STT3B: variants seen among roughly 807,000 people sequenced by gnomAD.
The protein encoded by STT3B is STT3 oligosaccharyltransferase complex catalytic subunit B.
A neutral mutation model predicts 96.8 loss-of-function variants in STT3B; 29 were observed. The ratio of observed to expected loss-of-function variants is 0.30; its 90% confidence interval spans 0.22 to 0.41. The LOEUF (loss-of-function observed/expected upper bound fraction) is 0.41. Among genes scored for constraint, STT3B ranks in the 10% least tolerant of loss-of-function variants. The pLI, the probability that STT3B is intolerant of heterozygous loss-of-function variation, is 1.00. For missense variants in STT3B, 640 were observed against 1,022.3 expected, an observed-to-expected ratio of 0.63 and a Z score of 5.10; for synonymous variants, 367 against 360.0, an observed-to-expected ratio of 1.02 and a Z score of -0.22.
chr3:31,584,665 G>A (rs1427378950), intron 3 of STT3B, among the ~76,000 whole-genome samples: 3 of 152,046 alleles, frequency 2.0e-5, no homozygotes, highest in Non-Finnish European at 2.9e-5. Flanking sequence ...AAACTGGGAG[G>A]TTATCTAGTG....
At chr3:31,607,900 G>A (rs1207922793) in intron 5 of STT3B, among the ~76,000 whole-genome samples, 1 of 151,882 alleles carries the variant, frequency 6.6e-6, no homozygotes, top group Admixed American at 6.6e-5. Flanking sequence ...GTGCCCAGCA[G>A]CATTTTATTT....
intron 8 of STT3B, 100 bp from the exon 9 acceptor site, chr3:31,619,576 G>T (rs921660480): frequency 3.2e-6 from 3 of 936,408 alleles, no homozygotes; most frequent in African/African-American, 3.3e-5. Context: ...AAGGGGTAGG[G>T]AGTAGGTACC....
At chr3:31,537,353 C>T (rs1697127015) in intron 1 of STT3B, among the ~76,000 whole-genome samples, 1 of 152,274 alleles carries the variant, frequency 6.6e-6, no homozygotes, top group Middle Eastern at 3.4e-3. Flanking sequence ...GGTAGCCAAA[C>T]CAGTTTTAGA....
At position 31,533,079 on chromosome 3, in the gene STT3B, A is replaced by C. The variant is rs752599525; in HGVS notation, c.81A>C (p.Gly27=). The change falls in exon 1 of 16, where the codon GGA becomes GGC. Residue 27 remains glycine (G), a synonymous_variant. Transcript: ENST00000295770. The part of the protein sequence containing the change: ...SSPWSGLMAL[G]NSRHGHHGPG... ...CGTGGAGTGGCCTCATGGCCCTGGG[A>C]AACAGCCGGCACGGCCACCACGGGC... 1 of 1,546,912 alleles carries C rather than the reference A, an allele frequency of 6.5e-7. No individual in the cohort carries two copies. The highest frequency in any genetic ancestry group is 2.0e-5 in the Admixed American group (1 of 50,970).
chr3:31,594,359 G>A (rs901726636), intron 3 of STT3B, among the ~76,000 whole-genome samples: 4 of 151,850 alleles, frequency 2.6e-5, no homozygotes, highest in African/African-American at 9.7e-5. Context: ...TATGCCCCCA[G>A]ACACCAGTTG....
At chr3:31,618,967 A>C (rs907574716) in intron 8 of STT3B, among the ~76,000 whole-genome samples, 4 of 151,986 alleles carry the variant, frequency 2.6e-5, no homozygotes, top group African/African-American at 7.2e-5. Flanking sequence ...TTATATTATA[A>C]AGTAGTCAAT....
Position 31,623,776 on chromosome 3 carries a change from A to G in STT3B, c.1642A>G (p.Met548Val), listed in dbSNP as rs1018068238. 2 of 1,613,988 alleles carry G rather than the reference A, an allele frequency of 1.2e-6. No individual in the cohort carries two copies. The highest frequency in any genetic ancestry group is 1.3e-5 in the African/African-American group (1 of 74,934). Residue 548 changes from methionine (M) to valine (V), a missense_variant, in exon 11 of 16, where the codon ATG (methionine) becomes GTG (valine). Transcript: ENST00000295770. ...CACCATGTTGATGCTGATGCTATTG[A>G]TGATGTTTGCTGTCCACTGTACCTG... ...IVTMLMLMLLMMFAVHCTWVT... is the reference protein window; with the variant it reads ...IVTMLMLMLLVMFAVHCTWVT...
intron 3 of STT3B, among the ~76,000 whole-genome samples, chr3:31,589,809 C>T (rs1698626612): frequency 6.6e-6 from 1 of 151,846 alleles, no homozygotes; most frequent in Non-Finnish European, 1.5e-5. Context: ...CTACTTTTTT[C>T]CCAAACTGTA....
chr3:31,589,094 A>G (rs184386680), intron 3 of STT3B, among the ~76,000 whole-genome samples: 51 of 152,130 alleles, frequency 3.4e-4, no homozygotes, highest in African/African-American at 1.1e-3. Flanking sequence ...GTTTATTTAC[A>G]TCTTTGATTT....
At chr3:31,583,275 A>G (rs1338391529) in intron 3 of STT3B, among the ~76,000 whole-genome samples, 2 of 151,954 alleles carry the variant, frequency 1.3e-5, no homozygotes, top group Non-Finnish European at 2.9e-5. Flanking sequence ...TTATTGCTGT[A>G]TATATTGGGT....
intron 5 of STT3B, among the ~76,000 whole-genome samples, chr3:31,605,992 G>A (rs1288843178): frequency 1.3e-5 from 2 of 152,196 alleles, no homozygotes; most frequent in East Asian, 1.9e-4. Flanking sequence ...GAGTAAAGGT[G>A]ACTCTTGGTA....
At chr3:31,620,312 G>T (rs1012559554) in intron 9 of STT3B, 2 of 153,170 alleles carry the variant, frequency 1.3e-5, no homozygotes, top group African/African-American at 2.4e-5. Flanking sequence ...CATTGAATTT[G>T]TATTAAGTAT....
intron 1 of STT3B, among the ~76,000 whole-genome samples, chr3:31,572,094 G>GTATTAAT (rs1559370418): frequency 0.013 from 1,694 of 130,320 alleles, 56 homozygotes; most frequent in African/African-American, 0.048. Flanking sequence ...TAAGTATTAA[G>GTATTAAT]ATATTAAATA....
At chr3:31,570,310 C>CA (rs1472560649) in intron 1 of STT3B, among the ~76,000 whole-genome samples, 1 of 152,060 alleles carries the variant, frequency 6.6e-6, no homozygotes, top group Non-Finnish European at 1.5e-5. Flanking sequence ...CTCCAAGATA[C>CA]AAAAATTACT....
chr3:31,572,674 C>A (rs1258731060), intron 1 of STT3B, among the ~76,000 whole-genome samples: 1 of 152,120 alleles, frequency 6.6e-6, no homozygotes, highest in East Asian at 1.9e-4. Context: ...CCAGTCTGGG[C>A]AACAAAGCAA....
At chr3:31,545,370 T>G (rs1427189506) in intron 1 of STT3B, among the ~76,000 whole-genome samples, 1 of 152,218 alleles carries the variant, frequency 6.6e-6, no homozygotes, top group Admixed American at 6.5e-5. Flanking sequence ...TTTGGAATAA[T>G]CATTCTGGAC....
chr3:31,557,838 G>T (rs1697760179), intron 1 of STT3B, among the ~76,000 whole-genome samples: 1 of 152,088 alleles, frequency 6.6e-6, no homozygotes, highest in African/African-American at 2.4e-5. Context: ...TTCACTGTTA[G>T]CTAGGATGGT....
chr3:31,624,076 C>T (rs1321489772), intron 11 of STT3B, among the ~76,000 whole-genome samples: 2 of 152,100 alleles, frequency 1.3e-5, no homozygotes, highest in Non-Finnish European at 2.9e-5. Context: ...GTAATAATCA[C>T]GTGTAAAATG....
chr3:31,542,599 C>A (rs149910954), intron 1 of STT3B, among the ~76,000 whole-genome samples: 55 of 152,236 alleles, frequency 3.6e-4, no homozygotes, highest in African/African-American at 1.3e-3. Flanking sequence ...CGTACTGTAT[C>A]CCATCTTCAC....
Sources: allele counts gnomAD v4.1 joint callset (sites outside exome capture counted in the v4.1 genomes callset), GRCh38; gene constraint gnomAD v4.1.1; transcripts MANE v1.5; gene names NCBI Gene and HGNC (gene_info 2026-07-23, HGNC 2026-07-21).